The following PTPRZ1 variants were observed in gnomAD, a reference collection of about 807,000 sequenced individuals.
PTPRZ1 encodes protein tyrosine phosphatase receptor type Z1, also known as receptor-type tyrosine-protein phosphatase zeta.
Under a neutral mutation model 214.1 loss-of-function variants are expected in PTPRZ1, and 82 were observed. The ratio of observed to expected loss-of-function variants is 0.38; its 90% CI spans 0.32 to 0.46. The LOEUF is 0.46. Ranked by LOEUF, PTPRZ1 falls within the 20% of genes least tolerant of loss-of-function variation. The pLI is 1.00. For synonymous variants in PTPRZ1, 945 were observed against 987.9 expected (o/e 0.96, Z 0.81); for missense variants, 2,603 against 2,748.7 (o/e 0.95, Z 1.19).
chr7:121,955,650 C>G (rs1272209266), intron 2 of PTPRZ1, among the ~76,000 whole-genome samples: 1 of 152,188 alleles, frequency 6.6e-6, no homozygotes, highest in African/African-American at 2.4e-5. Flanking sequence ...AATCAACCTG[C>G]ATTGCCTTCA....
chr7:121,907,800 A>G (rs1216325094), intron 1 of PTPRZ1, among the ~76,000 whole-genome samples: 1 of 152,042 alleles, frequency 6.6e-6, no homozygotes, highest in Non-Finnish European at 1.5e-5. Context: ...AAAAATATCA[A>G]ACACCTTTCT....
intron 12 of PTPRZ1, among the ~76,000 whole-genome samples, chr7:122,015,519 G>T (rs1798817430): frequency 1.3e-5 from 2 of 152,058 alleles, no homozygotes; most frequent in South Asian, 4.1e-4. Context: ...AATGAATAAT[G>T]AATCCATAGG....
At chr7:122,032,693 G>C (rs1799418544) in intron 15 of PTPRZ1, among the ~76,000 whole-genome samples, 1 of 152,072 alleles carries the variant, frequency 6.6e-6, no homozygotes, top group Admixed American at 6.6e-5. Flanking sequence ...TTATAGATTA[G>C]AAAGCTTTAA....
At chr7:122,034,898 C>T (rs578223374) in intron 17 of PTPRZ1, among the ~76,000 whole-genome samples, 1 of 152,172 alleles carries the variant, frequency 6.6e-6, no homozygotes, top group South Asian at 2.1e-4. Context: ...CTCCCTTTCT[C>T]CTCAATGAGC....
chr7:121,897,771 C>T (rs914329611), intron 1 of PTPRZ1, among the ~76,000 whole-genome samples: 39 of 152,156 alleles, frequency 2.6e-4, no homozygotes, highest in African/African-American at 9.2e-4. Context: ...AATATATTTA[C>T]GGCTCCATGG....
chr7:121,884,774 A>G lies in PTPRZ1; in HGVS notation c.58+11217A>G, dbSNP rs73717739. Among the ~76,000 whole-genome samples the G allele has an allele frequency of 5.5e-3, 837 of 152,352 alleles. 4 individuals are homozygous for G. Among genetic ancestry groups the G allele is most frequent in the African/African-American group, 0.019 (807 of 41,570 alleles). On this transcript the variant is annotated intron_variant, in intron 1 of 29. Coordinates refer to ENST00000393386, the MANE Select transcript of PTPRZ1 (RefSeq NM_002851.3). ...TGGTGGGAGCATACCAGAAAAGAGA[A>G]TAATAATGTAAATGCTAGACTATTT...
intron 2 of PTPRZ1, among the ~76,000 whole-genome samples, chr7:121,935,325 C>A (rs574098251): frequency 6.6e-6 from 1 of 152,196 alleles, no homozygotes; most frequent in East Asian, 1.9e-4. Context: ...AGTATCATTG[C>A]TGGTAGCATC....
At chr7:121,907,654 C>T (rs990947248) in intron 1 of PTPRZ1, among the ~76,000 whole-genome samples, 4 of 151,684 alleles carry the variant, frequency 2.6e-5, no homozygotes, top group African/African-American at 9.7e-5. Flanking sequence ...TTTGGAAAGG[C>T]CTAAACTCAG....
At chr7:121,978,301 AC>A (rs1797502280) in intron 6 of PTPRZ1, among the ~76,000 whole-genome samples, 1 of 151,950 alleles carries the variant, frequency 6.6e-6, no homozygotes, top group Admixed American at 6.6e-5. Flanking sequence ...CTAGTCCTTT[AC>A]CCCCTCTCTC....
rs143875507 is a variant in PTPRZ1, at chr7:121,976,830, G to A, written c.598G>A (p.Val200Ile). The A allele has an allele frequency of 8.1e-6, 13 of 1,611,074 alleles. No individual in the cohort carries two copies. The highest frequency in any genetic ancestry group is 4.0e-5 in the African/African-American group (3 of 74,842). ...NLDFKAIIDGVESVSRFGKQA... is the reference protein window; with the variant it reads ...NLDFKAIIDGIESVSRFGKQA... Reference sequence around the variant, plus strand: ...GGATTTCAAAGCGATTATTGATGGAGTCGAAAGTGTTAGTCGTTTTGGTAA... The same window carrying A: ...GGATTTCAAAGCGATTATTGATGGAATCGAAAGTGTTAGTCGTTTTGGTAA... The change falls in exon 6 of 30, where the codon GTC becomes ATC. Residue 200 changes from valine to isoleucine, a missense_variant. Coordinates refer to ENST00000393386, the MANE Select transcript of PTPRZ1 (RefSeq NM_002851.3).
intron 2 of PTPRZ1, among the ~76,000 whole-genome samples, chr7:121,961,311 T>C (rs1188461213): frequency 6.6e-6 from 1 of 152,226 alleles, no homozygotes; most frequent in East Asian, 1.9e-4. Flanking sequence ...TTCACTCTGC[T>C]CATTGGACTA....
At chr7:121,926,302 C>CAA (rs34447356) in intron 1 of PTPRZ1, among the ~76,000 whole-genome samples, 8,813 of 130,450 alleles carry the variant, frequency 0.068, 374 homozygotes, top group Non-Finnish European at 0.093. Flanking sequence ...AAGATTCTGT[C>CAA]AAAAAAAAAA....
intron 15 of PTPRZ1, among the ~76,000 whole-genome samples, chr7:122,032,574 GT>G (rs1183014228): frequency 1.3e-5 from 2 of 152,072 alleles, no homozygotes; most frequent in African/African-American, 4.8e-5. Flanking sequence ...ACTTTGAGCT[GT>G]AAGCCTAATC....
intron 2 of PTPRZ1, among the ~76,000 whole-genome samples, chr7:121,941,274 T>G (rs1459548160): frequency 6.6e-6 from 1 of 152,254 alleles, no homozygotes; most frequent in African/African-American, 2.4e-5. Context: ...ACTGGAAACT[T>G]GGACCTGGGT....
chr7:121,917,337 T>A (rs1358507856), intron 1 of PTPRZ1, among the ~76,000 whole-genome samples: 1 of 152,114 alleles, frequency 6.6e-6, no homozygotes, highest in African/African-American at 2.4e-5. Flanking sequence ...AGTGGGGAAA[T>A]GGTTCACCCT....
chr7:121,943,825 C>A (rs1443844950), intron 2 of PTPRZ1, among the ~76,000 whole-genome samples: 1 of 152,058 alleles, frequency 6.6e-6, no homozygotes, highest in Non-Finnish European at 1.5e-5. Context: ...ATCTGAGGAG[C>A]CAAACGTTGC....
rs1194584183 is a variant in PTPRZ1, at chr7:122,061,480, G to A, written c.*260G>A. 1.3e-5 allele frequency: 3 copies of A among 238,784 alleles called. No individual in the cohort carries two copies. Among genetic ancestry groups the A allele is most frequent in the Non-Finnish European group, 2.4e-5 (3 of 125,770 alleles). 14.8% of individuals were successfully genotyped at this position (238,784 alleles called of 1,614,324 possible). Reference sequence around the variant, plus strand: ...GAATGGAATTGTGGTATTTTTTTCTGTATTGATTTTAACAGAAAATTTCAA... The same window carrying A: ...GAATGGAATTGTGGTATTTTTTTCTATATTGATTTTAACAGAAAATTTCAA... On this transcript the variant is annotated 3_prime_UTR_variant, in exon 30 of 30. Coordinates refer to ENST00000393386, the MANE Select transcript of PTPRZ1 (RefSeq NM_002851.3).
At position 122,034,366 on chromosome 7, in the gene PTPRZ1, A is replaced by T. The variant is rs1320301687; in HGVS notation, c.5272A>T (p.Asn1758Tyr). ...PDNKHKNRYI[N>Y]IVAYDHSRVK... is the part of the protein sequence containing the mutation. ...CAACAAGCACAAGAATCGATACATA[A>T]ATATCGTTGCCTGTAAGTATATTCT... is the stretch of plus-strand genomic sequence containing the variant. Residue 1758 changes from asparagine to tyrosine, a missense_variant, in exon 17 of 30, where the codon AAT becomes TAT. This residue lies in a region of PTPRZ1 where 1,913 missense variants were observed against 1,914.3 expected (regional missense o/e 1.00). Coordinates refer to ENST00000393386, the MANE Select transcript of PTPRZ1 (RefSeq NM_002851.3). 6.2e-7 allele frequency: 1 copy of T among 1,612,552 alleles called. No homozygotes were observed. Among genetic ancestry groups the T allele is most frequent in the Non-Finnish European group, 8.5e-7 (1 of 1,179,086 alleles).
At chr7:121,962,645 A>C (rs978490918) in intron 2 of PTPRZ1, among the ~76,000 whole-genome samples, 1 of 150,604 alleles carries the variant, frequency 6.6e-6, no homozygotes, top group African/African-American at 2.4e-5. Flanking sequence ...GCTCACTGCA[A>C]CCTCCACCTC....
Sources: allele counts gnomAD v4.1 joint callset (sites outside exome capture counted in the v4.1 genomes callset), GRCh38; gene constraint gnomAD v4.1.1; regional missense constraint gnomAD v4.1.1; transcripts MANE v1.5; gene names NCBI Gene and HGNC (gene_info 2026-07-23, HGNC 2026-07-21).